KIAA1328: variants seen among roughly 807,000 people sequenced by gnomAD.
The protein encoded by KIAA1328 is KIAA1328.
Under a neutral mutation model 68.1 loss-of-function variants are expected in KIAA1328, and 52 were observed. The observed-to-expected ratio is 0.76, with a 90% CI of 0.61 to 0.96. The LOEUF is 0.96. KIAA1328 is among the 40% of genes least tolerant of loss of function. KIAA1328 has a pLI of 0.00. For missense variants in KIAA1328, 641 were observed against 677.6 expected, an observed-to-expected ratio of 0.95 and a Z score of 0.60; for synonymous variants, 232 against 239.4, an observed-to-expected ratio of 0.97 and a Z score of 0.28.
chr18:37,175,836 T>C (rs2059588311), intron 9 of KIAA1328, among the ~76,000 whole-genome samples: 1 of 152,212 alleles, frequency 6.6e-6, no homozygotes, highest in South Asian at 2.1e-4. Context: ...GCTCTTCCCC[T>C]GTCCACCTTA....
At chr18:37,045,502 A>T (rs577910865) in intron 6 of KIAA1328, among the ~76,000 whole-genome samples, 3 of 149,346 alleles carry the variant, frequency 2.0e-5, no homozygotes, top group East Asian at 3.9e-4. Context: ...TTTCTTTTTT[A>T]AAAATTTTTT....
At chr18:37,228,351 A>G (rs984065703), downstream of KIAA1328, among the ~76,000 whole-genome samples, 26 of 152,350 alleles carry the variant, frequency 1.7e-4, no homozygotes, top group African/African-American at 6.0e-4. Flanking sequence ...GTAAAATGCT[A>G]TCCAATAGCA....
At chr18:37,027,465 C>G (rs1371533794) in intron 6 of KIAA1328, among the ~76,000 whole-genome samples, 7 of 152,204 alleles carry the variant, frequency 4.6e-5, no homozygotes, top group Non-Finnish European at 8.8e-5. Flanking sequence ...TGACTTCAAA[C>G]TATGCTACAA....
chr18:37,000,510 C>A (rs1253122168), intron 6 of KIAA1328, among the ~76,000 whole-genome samples: 1 of 151,930 alleles, frequency 6.6e-6, no homozygotes, highest in East Asian at 1.9e-4. Context: ...GTGGACCTAA[C>A]ACAGAACATT....
intron 4 of KIAA1328, among the ~76,000 whole-genome samples, chr18:36,859,923 CCT>C: frequency 7.1e-6 from 1 of 140,770 alleles, no homozygotes; most frequent in East Asian, 2.0e-4. Flanking sequence ...ATTTTCATTT[CCT>C]TTTTTTTTTA....
chr18:37,089,910 A>T (rs1388037261), intron 7 of KIAA1328, among the ~76,000 whole-genome samples: 2 of 152,228 alleles, frequency 1.3e-5, no homozygotes, highest in Non-Finnish European at 2.9e-5. Context: ...GAAACAACTT[A>T]TGACTTTTGA....
intron 6 of KIAA1328, among the ~76,000 whole-genome samples, chr18:37,059,428 A>G (rs1487509769): frequency 1.3e-5 from 2 of 152,372 alleles, no homozygotes; most frequent in African/African-American, 4.8e-5. Flanking sequence ...ACCAACAAAC[A>G]TAAGAAAAAA....
intron 7 of KIAA1328, among the ~76,000 whole-genome samples, chr18:37,092,559 A>G (rs965029639): frequency 2.0e-5 from 3 of 152,004 alleles, no homozygotes; most frequent in Non-Finnish European, 2.9e-5. Flanking sequence ...CTCTTTGCCT[A>G]CTGCCACCTG....
intron 6 of KIAA1328, among the ~76,000 whole-genome samples, chr18:36,962,075 A>G (rs578206828): frequency 2.0e-5 from 3 of 152,340 alleles, no homozygotes; most frequent in South Asian, 4.1e-4. Context: ...GACCCATCTC[A>G]TGTGCAGAGA....
intron 6 of KIAA1328, among the ~76,000 whole-genome samples, chr18:36,973,043 A>T (rs1268719409): frequency 2.6e-5 from 4 of 152,176 alleles, no homozygotes; most frequent in African/African-American, 9.7e-5. Context: ...GATTTTAAAA[A>T]TATTTTGCTT....
intron 5 of KIAA1328, among the ~76,000 whole-genome samples, chr18:36,892,900 A>T (rs1008872263): frequency 2.0e-5 from 3 of 152,146 alleles, no homozygotes; most frequent in African/African-American, 7.2e-5. Flanking sequence ...CCACAGGGAG[A>T]AATTGTGACA....
At chr18:36,854,024 A>G (rs1481022730) in intron 4 of KIAA1328, among the ~76,000 whole-genome samples, 1 of 152,206 alleles carries the variant, frequency 6.6e-6, no homozygotes, top group African/African-American at 2.4e-5. Flanking sequence ...GTTAATCCTC[A>G]GTATCTCAGA....
At chr18:37,108,827 G>A (rs571176088) in intron 7 of KIAA1328, among the ~76,000 whole-genome samples, 3 of 152,246 alleles carry the variant, frequency 2.0e-5, no homozygotes, top group African/African-American at 4.8e-5. Flanking sequence ...TGTGCACAAT[G>A]TGCAGGTTTG....
At chr18:37,143,050 G>T (rs147342538) in intron 7 of KIAA1328, among the ~76,000 whole-genome samples, 1 of 151,722 alleles carries the variant, frequency 6.6e-6, no homozygotes, top group Non-Finnish European at 1.5e-5. Flanking sequence ...CGCCTCCCAG[G>T]CTCAAGCAAT....
rs552165445 is a variant in KIAA1328 at position 36,996,912 on chromosome 18, T to G, written c.576+37477T>G. 2.6e-5 allele frequency among the ~76,000 whole-genome samples: 4 copies of G among 152,308 alleles called. No homozygotes were observed. The South Asian group carries it at 8.3e-4, about 32-fold the overall frequency. On this transcript the variant is annotated intron_variant, in intron 6 of 9. Transcript: ENST00000280020. The stretch of plus-strand genomic sequence containing the variant: ...GTCTAGAAGTAAACGTTTAGATCTG[T>G]TAGAACACTGCCTGTCTTTAAGGTG...
intron 9 of KIAA1328, among the ~76,000 whole-genome samples, chr18:37,221,320 A>G (rs935677081): frequency 2.0e-5 from 3 of 152,222 alleles, no homozygotes; most frequent in Non-Finnish European, 4.4e-5. Context: ...ATTCATTTAT[A>G]TCAATGAATT....
chr18:36,966,800 G>C (rs764457854), intron 6 of KIAA1328, among the ~76,000 whole-genome samples: 1 of 152,116 alleles, frequency 6.6e-6, no homozygotes, highest in South Asian at 2.1e-4. Flanking sequence ...GATGGAAATG[G>C]GTTCCATGGT....
At chr18:37,042,068 G>T (rs2055275338) in intron 6 of KIAA1328, among the ~76,000 whole-genome samples, 1 of 151,770 alleles carries the variant, frequency 6.6e-6, no homozygotes, top group African/African-American at 2.4e-5. Flanking sequence ...TTGTTTGTTT[G>T]TTTGTTTTTT....
chr18:36,837,712 G>A (rs568547990), intron 3 of KIAA1328, among the ~76,000 whole-genome samples: 1 of 151,938 alleles, frequency 6.6e-6, no homozygotes, highest in African/African-American at 2.4e-5. Context: ...AATTTTAAAG[G>A]TTTTACTCCT....
Sources: gnomAD v4.1 joint callset for allele counts (sites outside exome capture counted in the v4.1 genomes callset) on GRCh38, gnomAD v4.1.1 for gene constraint, MANE v1.5 for transcripts, NCBI Gene and HGNC (gene_info 2026-07-23, HGNC 2026-07-21) for gene names.